ZNF44: variants seen among roughly 807,000 people sequenced by gnomAD.
ZNF44 encodes the protein zinc finger protein 44, also known as gonadotropin inducible transcription repressor-2.
A neutral mutation model predicts 11.7 loss-of-function variants in ZNF44; 9 were observed. The observed-to-expected ratio is 0.77, with a 90% CI of 0.46 to 1.35. The LOEUF (loss-of-function observed/expected upper bound fraction) is 1.35, where lower values mean the gene tolerates loss of function less well. Among genes scored for constraint, ZNF44 ranks in the 40% most tolerant of loss-of-function variants. The pLI is 0.00. For missense variants in ZNF44, 696 were observed against 743.1 expected (o/e 0.94, Z 0.74); for synonymous variants, 224 against 242.7 (o/e 0.92, Z 0.72).
chr19:12,284,637 G>A, intron 1 of ZNF44: 2 of 754,830 alleles, frequency 2.6e-6, no homozygotes, highest in Non-Finnish European at 4.6e-6. Flanking sequence ...GATTACACCA[G>A]TGCAGAAGCA....
In ZNF44 at chr19:12,272,495, G is replaced by C. The variant is rs1179436810; in HGVS notation, c.1760C>G (p.Pro587Arg). ...TTTCCCACATTCCTTACATTCATAG[G>C]GCTTCTCTCCAGTGTGAGTTCTTTC... is the stretch of plus-strand genomic sequence containing the variant. Reference protein sequence around the residue: ...EHERTHTGEKPYECKECGKAF... With the variant: ...EHERTHTGEKRYECKECGKAF... Residue 587 changes from proline to arginine, a missense_variant, in exon 4 of 4, where the codon CCC becomes CGC. Pro to Arg is a moderately radical substitution (Grantham distance 103). Transcript: ENST00000355684. 1 of 1,611,440 alleles carries C rather than the reference G, an allele frequency of 6.2e-7. No homozygotes were observed. Among genetic ancestry groups the C allele is most frequent in the East Asian group, 2.2e-5 (1 of 44,850 alleles).
chr19:12,265,203 C>T (rs2438535), intron 5 of ZNF44, among the ~76,000 whole-genome samples: 59,930 of 151,628 alleles, frequency 0.4, 13,260 homozygotes, highest in African/African-American at 0.61. Flanking sequence ...CTCAGGAGTT[C>T]GAGACCAGCC....
At chr19:12,276,893 C>T (rs1967248382) in intron 1 of ZNF44, among the ~76,000 whole-genome samples, 1 of 152,182 alleles carries the variant, frequency 6.6e-6, no homozygotes, top group African/African-American at 2.4e-5. Context: ...TCAGCCCCCT[C>T]ATCATGTAAT....
intron 3 of ZNF44, 37 bp downstream of exon 3, chr19:12,274,936 G>A: frequency 6.7e-7 from 1 of 1,489,300 alleles, no homozygotes; most frequent in Non-Finnish European, 9.2e-7. Context: ...CAGAAACACT[G>A]CAAGGACATC....
At chr19:12,266,849 A>G (rs1209155294), downstream of ZNF44, among the ~76,000 whole-genome samples, 2 of 151,994 alleles carry the variant, frequency 1.3e-5, no homozygotes, top group Non-Finnish European at 2.9e-5. Flanking sequence ...GACAAAAGGG[A>G]ATTGCATTCT....
chr19:12,258,160 CAAAAAAAAAAAAA>C (rs770370872), intron 5 of ZNF44, among the ~76,000 whole-genome samples: 1 of 55,890 alleles, frequency 1.8e-5, no homozygotes, highest in African/African-American at 6.5e-5. Context: ...CTCATCTCTA[CAAAAAAAAAAAAA>C]AAAAAAAAAA....
At chr19:12,247,625 G>A, downstream of ZNF44, 1 of 1,337,390 alleles carries the variant, frequency 7.5e-7, no homozygotes, top group South Asian at 1.2e-5. Flanking sequence ...TCTTTGCAGT[G>A]TGCATCCTTT....
intron 5 of ZNF44, among the ~76,000 whole-genome samples, chr19:12,251,909 G>C (rs2145692619): frequency 6.6e-6 from 1 of 152,160 alleles, no homozygotes; most frequent in Non-Finnish European, 1.5e-5. Flanking sequence ...AAATTAGCTG[G>C]GTGTGGTAGC....
chr19:12,260,440 T>G, intron 5 of ZNF44: 1 of 1,427,064 alleles, frequency 7.0e-7, no homozygotes, highest in Non-Finnish European at 9.7e-7. Context: ...CGCCCCGACC[T>G]GCGCATGGCA....
chr19:12,237,963 C>T (rs1301366105), upstream of ZNF44: 1 of 152,286 alleles, frequency 6.6e-6, no homozygotes, highest in Non-Finnish European at 1.5e-5. Context: ...GTTCCACACT[C>T]CGTGTCCAAT....
downstream of ZNF44, chr19:12,225,019 T>C (rs1189430421): frequency 1.3e-5 from 2 of 152,280 alleles, no homozygotes; most frequent in Non-Finnish European, 2.9e-5. Flanking sequence ...ATTAGGCTGA[T>C]GCCCTTTGGA....
intron 1 of ZNF44, chr19:12,284,556 T>G (rs1967642774): frequency 5.6e-6 from 4 of 713,136 alleles, no homozygotes; most frequent in Admixed American, 3.7e-5. Flanking sequence ...GATCTATCTC[T>G]TCTCCCTGCC....
intron 1 of ZNF44, among the ~76,000 whole-genome samples, chr19:12,283,145 T>A (rs1967558457): frequency 1.3e-5 from 2 of 152,162 alleles, no homozygotes; most frequent in Admixed American, 6.5e-5. Flanking sequence ...AATGGCCTTA[T>A]TTTTGGTAAA....
chr19:12,268,872 T>C (rs758988456), downstream of ZNF44, among the ~76,000 whole-genome samples: 18 of 151,866 alleles, frequency 1.2e-4, no homozygotes, highest in Non-Finnish European at 2.1e-4. Context: ...GCTTCCCGAA[T>C]AGCTGAGACT....
chr19:12,244,719 CT>C (rs1208673329), downstream of ZNF44: 1 of 152,506 alleles, frequency 6.6e-6, no homozygotes, highest in African/African-American at 2.4e-5. Flanking sequence ...CAGAAATCTC[CT>C]AATATGACTT....
Position 12,273,191 on chromosome 19 carries a change from T to A in ZNF44, c.1064A>T (p.His355Leu), listed in dbSNP as rs1568443281. The change falls in exon 4 of 4, where the codon CAT (histidine) becomes CTT (leucine). Residue 355 changes from histidine to leucine, a missense_variant. Transcript: ENST00000355684. Reference protein sequence around the residue: ...GFDFPGSARIHEGTHTLEKPY... With the variant: ...GFDFPGSARILEGTHTLEKPY... ...TTTCTCTAGAGTGTGAGTTCCTTCA[T>A]GAATTCGTGCTGAACCAGGAAAATC... is the stretch of plus-strand genomic sequence containing the variant. 6.2e-7 allele frequency: 1 copy of A among 1,613,978 alleles called. No homozygotes were observed. The highest frequency in any genetic ancestry group is 8.5e-7 in the Non-Finnish European group (1 of 1,179,916).
At chr19:12,284,591 C>G (rs1599543149) in intron 1 of ZNF44, 1 of 716,268 alleles carries the variant, frequency 1.4e-6, no homozygotes, top group East Asian at 2.6e-5. Flanking sequence ...AGATCATTGA[C>G]TTGTTCCTGG....
chr19:12,261,053 T>C (rs1252837558), intron 5 of ZNF44, among the ~76,000 whole-genome samples: 1 of 152,112 alleles, frequency 6.6e-6, no homozygotes, highest in Non-Finnish European at 1.5e-5. Context: ...GACTGACGTC[T>C]CTAGGGAGAA....
At chr19:12,256,697 CTT>C (rs950614463) in intron 5 of ZNF44, among the ~76,000 whole-genome samples, 4 of 102,778 alleles carry the variant, frequency 3.9e-5, no homozygotes, top group African/African-American at 9.7e-5. Flanking sequence ...AGCAATTACT[CTT>C]TTTTTTTTTT....
Sources: gnomAD v4.1 joint callset for allele counts (sites outside exome capture counted in the v4.1 genomes callset) on GRCh38, gnomAD v4.1.1 for gene constraint, MANE v1.5 for transcripts, NCBI Gene and HGNC (gene_info 2026-07-23, HGNC 2026-07-21) for gene names.